SH2B2: variants seen among roughly 807,000 people sequenced by gnomAD.
SH2B2 encodes the protein SH2B adaptor protein 2.
A neutral mutation model predicts 35.7 loss-of-function variants in SH2B2; 37 were observed. The observed-to-expected ratio is 1.04, with a 90% confidence interval of 0.80 to 1.36. SH2B2 has a LOEUF of 1.36. Ranked by LOEUF, SH2B2 falls within the 40% of genes most tolerant of loss-of-function variation. SH2B2 has a pLI of 0.00. For missense variants in SH2B2, 852 were observed against 817.7 expected, an observed-to-expected ratio of 1.04 and a Z score of -0.51; for synonymous variants, 383 against 376.4, an observed-to-expected ratio of 1.02 and a Z score of -0.20.
Position 102,300,529 on chromosome 7 carries a change from T to A in SH2B2, c.-22T>A. The A allele has an allele frequency of 6.5e-7, 1 of 1,534,726 alleles. No individual in the cohort carries two copies. Among genetic ancestry groups the A allele is most frequent in the Non-Finnish European group, 8.7e-7 (1 of 1,142,874 alleles). ...CGCTCTTCTCGCCCGAAGCCGCAGG[T>A]GGCTGCGATGGGACGGAAGCCATGA... is the stretch of plus-strand genomic sequence containing the variant. On this transcript the variant is annotated 5_prime_UTR_variant, in exon 2 of 9. Transcript: ENST00000444095.
At chr7:102,291,921 G>A (rs548087221) in intron 1 of SH2B2, among the ~76,000 whole-genome samples, 151 of 152,324 alleles carry the variant, frequency 9.9e-4, no homozygotes, top group African/African-American at 3.4e-3. Flanking sequence ...CCAGGGAGGG[G>A]TGCAGAGAGG....
chr7:102,290,264 G>T (rs561895612), intron 1 of SH2B2, among the ~76,000 whole-genome samples: 1 of 148,818 alleles, frequency 6.7e-6, no homozygotes, highest in South Asian at 2.1e-4. Context: ...ATTTTTTTGA[G>T]ACAGAGTCTT....
chr7:102,320,294 C>T (rs782480347), intron 7 of SH2B2, 37 bp from the exon 8 acceptor site: 3 of 1,565,670 alleles, frequency 1.9e-6, no homozygotes, highest in South Asian at 2.2e-5. Context: ...TGCCCAGCCC[C>T]GGACCTGCCC....
chr7:102,306,656 G>A (rs1793409962), intron 2 of SH2B2, 65 bp from the exon 3 acceptor site: 1 of 1,190,304 alleles, frequency 8.4e-7, no homozygotes, highest in Non-Finnish European at 1.2e-6. Flanking sequence ...CCTGGCAGCG[G>A]GGAGGGGATG....
intron 1 of SH2B2, among the ~76,000 whole-genome samples, chr7:102,296,662 G>A (rs1347775877): frequency 6.6e-6 from 1 of 152,226 alleles, no homozygotes; most frequent in African/African-American, 2.4e-5. Context: ...GGATGAAGCT[G>A]GGGTGAGGAG....
chr7:102,304,730 G>T (rs565736516), intron 2 of SH2B2, among the ~76,000 whole-genome samples: 2 of 152,252 alleles, frequency 1.3e-5, no homozygotes, highest in African/African-American at 2.4e-5. Flanking sequence ...GAAGCTTCCA[G>T]TCCAGGCCTC....
chr7:102,306,677 C>A, intron 2 of SH2B2, 44 bp from the exon 3 acceptor site: 1 of 1,416,352 alleles, frequency 7.1e-7, no homozygotes, highest in Non-Finnish European at 9.8e-7. Flanking sequence ...GAAAGGGTGT[C>A]GGGAAATGCT....
At chr7:102,303,416 G>A (rs1376255812) in intron 2 of SH2B2, among the ~76,000 whole-genome samples, 5 of 152,122 alleles carry the variant, frequency 3.3e-5, no homozygotes, top group African/African-American at 9.7e-5. Flanking sequence ...CTCTGTCCCT[G>A]GGTGCTCTCT....
intron 1 of SH2B2, among the ~76,000 whole-genome samples, chr7:102,288,061 G>A (rs813001): frequency 0.42 from 64,370 of 151,996 alleles, 13,792 homozygotes; most frequent in Non-Finnish European, 0.46. Context: ...CCTGCCTCCT[G>A]GCTAAGGGAC....
Position 102,292,465 on chromosome 7 carries a change from A to C in SH2B2, c.-30+5371A>C, listed in dbSNP as rs548075085. The stretch of plus-strand genomic sequence containing the variant: ...AGAATCGCTTGAACCCAGGAGGCGG[A>C]AGTTGCAGTGAGCCAAGATCACGCC... On this transcript the variant is annotated intron_variant, in intron 1 of 8. Transcript: ENST00000444095. Among the ~76,000 whole-genome samples the C allele has an allele frequency of 2.0e-5, 3 of 151,876 alleles. No individual in the cohort carries two copies. In the South Asian group the frequency reaches 6.3e-4, roughly 32 times the overall value.
chr7:102,320,491 AC>A lies in SH2B2; in HGVS notation c.1562del (p.Pro521HisfsTer127), dbSNP rs782145245. The A allele has an allele frequency of 1.2e-6, 2 of 1,611,732 alleles. No homozygotes were observed. Among genetic ancestry groups the A allele is most frequent in the Non-Finnish European group, 1.7e-6 (2 of 1,179,146 alleles). On this transcript the variant is annotated frameshift_variant, in exon 8 of 9. Coordinates refer to ENST00000444095, the MANE Select transcript of SH2B2 (RefSeq NM_001359228.2). LOFTEE classifies it low-confidence loss of function (END_TRUNC). The part of the protein sequence containing the change: ...ITLRSYVRAQ[D>X]PPPEPGPTPP... ...CTTCGCAGCTATGTGCGGGCCCAGG[AC>A]CCCCCACCAGGTAAGATGCCGCCAC...
At chr7:102,289,571 G>T (rs1219147762) in intron 1 of SH2B2, among the ~76,000 whole-genome samples, 1 of 152,154 alleles carries the variant, frequency 6.6e-6, no homozygotes, top group Non-Finnish European at 1.5e-5. Flanking sequence ...CTCAGAGAAA[G>T]GCCCAGGGAA....
rs1292542420 is a variant in SH2B2, at chr7:102,300,752, A to G, written c.202A>G (p.Asn68Asp). ...GASFSRHFAANFLDVFGEEVR... is the reference protein window; with the variant it reads ...GASFSRHFAADFLDVFGEEVR... ...CTCCTTCTCCCGCCACTTCGCCGCC[A>G]ACTTCCTGGACGTCTTCGGCGAGGA... The change falls in exon 2 of 9, where the codon AAC becomes GAC. Residue 68 changes from asparagine (N) to aspartate (D), a missense_variant. Asn to Asp is a conservative substitution (Grantham distance 23). Around this residue, in one of 3 missense-constraint regions of SH2B2, gnomAD observed 294 missense variants for 286.6 expected, o/e 1.03. Transcript: ENST00000444095. 5.2e-6 allele frequency: 8 copies of G among 1,540,030 alleles called. No individual in the cohort carries two copies. Among genetic ancestry groups the G allele is most frequent in the Admixed American group, 2.0e-5 (1 of 50,096 alleles).
chr7:102,295,844 T>C (rs1792890759), intron 1 of SH2B2, among the ~76,000 whole-genome samples: 1 of 151,904 alleles, frequency 6.6e-6, no homozygotes, highest in Non-Finnish European at 1.5e-5. Flanking sequence ...AGCTCGTGGG[T>C]TCCTCAGTCC....
chr7:102,296,075 G>A (rs145688004), intron 1 of SH2B2, among the ~76,000 whole-genome samples: 39 of 152,276 alleles, frequency 2.6e-4, no homozygotes, highest in East Asian at 2.5e-3. Context: ...CTAGGAGACC[G>A]CTGGTTTGGA....
At chr7:102,288,715 C>G (rs1420921015) in intron 1 of SH2B2, among the ~76,000 whole-genome samples, 2 of 152,162 alleles carry the variant, frequency 1.3e-5, no homozygotes, top group African/African-American at 4.8e-5. Context: ...TTGTGCCAAG[C>G]TAAGGGCATC....
chr7:102,311,446 G>T (rs1554556021), intron 4 of SH2B2, among the ~76,000 whole-genome samples: 1 of 151,994 alleles, frequency 6.6e-6, no homozygotes, highest in African/African-American at 2.4e-5. Context: ...GCAGAGACGG[G>T]GTTTCCCCAT....
intron 1 of SH2B2, among the ~76,000 whole-genome samples, chr7:102,293,496 G>A (rs1192037323): frequency 2.0e-5 from 3 of 151,534 alleles, no homozygotes; most frequent in African/African-American, 4.8e-5. Flanking sequence ...TTTTTCAGGA[G>A]GAGAAGGCAG....
At chr7:102,291,841 T>C (rs546951796) in intron 1 of SH2B2, among the ~76,000 whole-genome samples, 2 of 152,194 alleles carry the variant, frequency 1.3e-5, no homozygotes, top group East Asian at 3.9e-4. Flanking sequence ...GAGAGACTCA[T>C]ACCTAGTCAG....
Sources: allele counts gnomAD v4.1 joint callset (sites outside exome capture counted in the v4.1 genomes callset), GRCh38; gene constraint gnomAD v4.1.1; regional missense constraint gnomAD v4.1.1; transcripts MANE v1.5; gene names NCBI Gene and HGNC (gene_info 2026-07-23, HGNC 2026-07-21).